GPC5: variants seen among roughly 807,000 people sequenced by gnomAD.
The protein encoded by GPC5 is glypican 5.
GPC5 carries 47 observed loss-of-function variants against 53.9 expected under a neutral mutation model. The observed-to-expected ratio is 0.87, with a 90% CI of 0.69 to 1.11. The LOEUF (loss-of-function observed/expected upper bound fraction) is 1.11. GPC5 is among the 50% of genes most tolerant of loss of function. The probability of loss-of-function intolerance (pLI) is 0.00; values close to 1 mark genes in which losing one functional copy is unlikely to be tolerated. For missense variants in GPC5, 748 were observed against 713.1 expected, an observed-to-expected ratio of 1.05 and a Z score of -0.56; for synonymous variants, 286 against 263.3, an observed-to-expected ratio of 1.09 and a Z score of -0.84.
intron 7 of GPC5, among the ~76,000 whole-genome samples, chr13:92,406,847 A>G (rs566892569): frequency 2.0e-5 from 3 of 152,322 alleles, no homozygotes; most frequent in African/African-American, 2.4e-5. Context: ...CTGTATCCTG[A>G]TAAGTATTCT....
chr13:92,508,213 C>T (rs918022627), intron 7 of GPC5, among the ~76,000 whole-genome samples: 6 of 152,156 alleles, frequency 3.9e-5, no homozygotes, highest in Admixed American at 2.6e-4. Context: ...CTTCCCGCCT[C>T]GGCCTCCCAA....
intron 6 of GPC5, among the ~76,000 whole-genome samples, chr13:92,089,322 T>C (rs888090798): frequency 1.3e-5 from 2 of 152,008 alleles, no homozygotes; most frequent in African/African-American, 2.4e-5. Flanking sequence ...TAGTCCCAGC[T>C]ACTCAGGAGG....
chr13:92,610,509 G>A (rs1273737031), intron 7 of GPC5, among the ~76,000 whole-genome samples: 4 of 152,056 alleles, frequency 2.6e-5, no homozygotes, highest in Admixed American at 6.5e-5. Context: ...GGAAAGTGTC[G>A]CACTGAGGCA....
At chr13:91,591,604 C>G (rs1478474212) in intron 2 of GPC5, among the ~76,000 whole-genome samples, 1 of 152,026 alleles carries the variant, frequency 6.6e-6, no homozygotes, top group Non-Finnish European at 1.5e-5. Context: ...TTTTATAATC[C>G]CATGTGTCTT....
chr13:91,888,814 A>T (rs1380432529), intron 5 of GPC5, among the ~76,000 whole-genome samples: 1 of 152,126 alleles, frequency 6.6e-6, no homozygotes, highest in African/African-American at 2.4e-5. Context: ...AGGATTCCTC[A>T]ATAGAGAAGG....
intron 7 of GPC5, among the ~76,000 whole-genome samples, chr13:92,725,732 A>G (rs1888628442): frequency 6.6e-6 from 1 of 151,596 alleles, no homozygotes; most frequent in Non-Finnish European, 1.5e-5. Context: ...CTAGTTGGGA[A>G]TGATCAAAAT....
chr13:92,137,446 C>A (rs192839851), intron 6 of GPC5, among the ~76,000 whole-genome samples: 1 of 152,298 alleles, frequency 6.6e-6, no homozygotes, highest in Non-Finnish European at 1.5e-5. Context: ...CATATGGGTT[C>A]TCTCCTCCAA....
At chr13:91,985,984 A>G (rs531801255) in intron 6 of GPC5, among the ~76,000 whole-genome samples, 1 of 152,174 alleles carries the variant, frequency 6.6e-6, no homozygotes, top group South Asian at 2.1e-4. Flanking sequence ...CTCAATTGTA[A>G]AGATGAAATT....
chr13:91,489,141 C>T (rs895657196), intron 2 of GPC5, among the ~76,000 whole-genome samples: 4 of 152,130 alleles, frequency 2.6e-5, no homozygotes, highest in African/African-American at 4.8e-5. Flanking sequence ...TAATTTTGCC[C>T]CGGTCCTGTG....
intron 2 of GPC5, among the ~76,000 whole-genome samples, chr13:91,542,744 C>G (rs945969672): frequency 6.6e-6 from 1 of 151,880 alleles, no homozygotes; most frequent in Admixed American, 6.6e-5. Flanking sequence ...CACGCAATGG[C>G]GCGATCTCAG....
intron 2 of GPC5, among the ~76,000 whole-genome samples, chr13:91,650,750 G>GTATTTTTTTTTTTTTTTTT (rs2034680686): frequency 1.0e-5 from 1 of 99,642 alleles, no homozygotes; most frequent in Non-Finnish European, 2.0e-5. Flanking sequence ...ATTCCCATAA[G>GTATTTTTTTTTTTTTTTTT]TTTTTTTTTT....
At chr13:92,853,505 C>T (rs1486423790) in intron 7 of GPC5, among the ~76,000 whole-genome samples, 3 of 152,042 alleles carry the variant, frequency 2.0e-5, no homozygotes, top group East Asian at 1.9e-4. Flanking sequence ...TCCGATAAGG[C>T]GAGAATACTG....
chr13:92,527,194 A>AAGAAAG, intron 7 of GPC5, among the ~76,000 whole-genome samples: 1 of 23,972 alleles, frequency 4.2e-5, no homozygotes, highest in Admixed American at 6.0e-4. Context: ...AGAAAGAAAG[A>AAGAAAG]AAGAAAGAAA....
chr13:91,471,184 G>GT (rs1250980438), intron 2 of GPC5, among the ~76,000 whole-genome samples: 2 of 152,068 alleles, frequency 1.3e-5, no homozygotes, highest in Non-Finnish European at 2.9e-5. Context: ...AGAAAATTCT[G>GT]TAACAGTCAC....
chr13:92,178,052 TA>T (rs1429306144), intron 7 of GPC5, among the ~76,000 whole-genome samples: 1 of 152,208 alleles, frequency 6.6e-6, no homozygotes, highest in African/African-American at 2.4e-5. Flanking sequence ...ATGGAAGTTT[TA>T]CCAAGCTCTT....
intron 7 of GPC5, among the ~76,000 whole-genome samples, chr13:92,632,719 C>A (rs1235148590): frequency 6.6e-6 from 1 of 151,796 alleles, no homozygotes; most frequent in African/African-American, 2.4e-5. Flanking sequence ...AAAGACATAC[C>A]TGAGACTGGC....
chr13:91,503,649 G>A (rs1012281692), intron 2 of GPC5, among the ~76,000 whole-genome samples: 5 of 151,482 alleles, frequency 3.3e-5, no homozygotes, highest in African/African-American at 1.2e-4. Flanking sequence ...GCATGGTGGT[G>A]TGTGCCTGTA....
At chr13:92,801,382 T>C (rs545115740) in intron 7 of GPC5, among the ~76,000 whole-genome samples, 63 of 151,876 alleles carry the variant, frequency 4.1e-4, no homozygotes, top group African/African-American at 1.5e-3. Flanking sequence ...ACCCATGTGT[T>C]TGTGGCGATG....
intron 2 of GPC5, among the ~76,000 whole-genome samples, chr13:91,489,821 T>C (rs1218330739): frequency 6.6e-6 from 1 of 152,166 alleles, no homozygotes; most frequent in Non-Finnish European, 1.5e-5. Context: ...ATACTTGCAG[T>C]TACTGTTATC....
Sources: gnomAD v4.1 joint callset for allele counts (sites outside exome capture counted in the v4.1 genomes callset) on GRCh38, gnomAD v4.1.1 for gene constraint, MANE v1.5 for transcripts, NCBI Gene and HGNC (gene_info 2026-07-23, HGNC 2026-07-21) for gene names.